CELSR1: variants seen among roughly 807,000 people sequenced by gnomAD.
CELSR1 encodes cadherin EGF LAG seven-pass G-type receptor 1.
CELSR1 carries 110 observed loss-of-function variants against 249.1 expected under a neutral mutation model. The observed-to-expected ratio is 0.44, with a 90% CI of 0.38 to 0.52. The LOEUF (loss-of-function observed/expected upper bound fraction) is 0.52. Among genes scored for constraint, CELSR1 ranks in the 20% least tolerant of loss-of-function variants. The probability of loss-of-function intolerance (pLI) is 0.00; values close to 1 mark genes in which losing one functional copy is unlikely to be tolerated. For missense variants in CELSR1, 4,109 were observed against 4,296.4 expected (o/e 0.96, Z 1.22); for synonymous variants, 2,113 against 1,900.0 (o/e 1.11, Z -2.92).
chr22:46,387,440 GCA>G (rs1452216207), intron 18 of CELSR1, among the ~76,000 whole-genome samples: 4 of 152,188 alleles, frequency 2.6e-5, no homozygotes, highest in Non-Finnish European at 5.9e-5. Flanking sequence ...GAGTGCAGTG[GCA>G]CAGTCTTGGC....
chr22:46,371,280 G>A (rs145699234), intron 25 of CELSR1, among the ~76,000 whole-genome samples: 83 of 141,602 alleles, frequency 5.9e-4, no homozygotes, highest in African/African-American at 2.0e-3. Flanking sequence ...AGACCAGGAC[G>A]GTCCAGCAAG....
In CELSR1 at chr22:46,445,869, C is replaced by T. The variant is rs1368678443; in HGVS notation, c.4184-6458G>A. 1.3e-5 allele frequency among the ~76,000 whole-genome samples: 2 copies of T among 152,214 alleles called. No individual in the cohort carries two copies. Among genetic ancestry groups the T allele is most frequent in the Non-Finnish European group, 2.9e-5 (2 of 68,038 alleles). ...CCTGGCCTTTGCCAGCTCATCCTCC[C>T]ACCCAGCCAGGGAGAGGTGGAGTCC... is the stretch of plus-strand genomic sequence containing the variant. On this transcript the variant is annotated intron_variant, in intron 2 of 34. Coordinates refer to ENST00000674500, the MANE Select transcript of CELSR1 (RefSeq NM_001378328.1). The surrounding 1 kb of genome is among the most constrained non-coding windows in gnomAD (Gnocchi z 4.4).
At chr22:46,432,324 A>G (rs2079605106) in intron 5 of CELSR1, among the ~76,000 whole-genome samples, 1 of 152,204 alleles carries the variant, frequency 6.6e-6, no homozygotes. Flanking sequence ...GCAGCCAGGC[A>G]CAGTGGCTGT....
intron 1 of CELSR1, among the ~76,000 whole-genome samples, chr22:46,511,518 A>T (rs1312799264): frequency 2.0e-5 from 3 of 152,198 alleles, no homozygotes; most frequent in Non-Finnish European, 4.4e-5. Context: ...CTTCTTTGGC[A>T]CGCTGTCGTT....
In CELSR1 at chr22:46,411,738, G is replaced by A. The variant is rs761504530; in HGVS notation, c.4633C>T (p.Leu1545=). ...TTTTCCCCGGACGGCCCATGGGGCA[G>A]GCCCAGGTGGCCAATATTGGGCTGT... The part of the protein sequence containing the change: ...YNKPNIGHLG[L]PHGPSGEKMA... Residue 1545 remains leucine, a synonymous_variant, in exon 6 of 35, where the codon CTG becomes TTG. Coordinates refer to ENST00000674500, the MANE Select transcript of CELSR1 (RefSeq NM_001378328.1). The surrounding 1 kb of genome is among the most constrained non-coding windows in gnomAD (Gnocchi z 4.2). 6.2e-7 allele frequency: 1 copy of A among 1,614,050 alleles called. No homozygotes were observed. The highest frequency in any genetic ancestry group is 8.5e-7 in the Non-Finnish European group (1 of 1,180,052).
intron 1 of CELSR1, among the ~76,000 whole-genome samples, chr22:46,465,688 T>A (rs1387151737): frequency 6.6e-6 from 1 of 152,228 alleles, no homozygotes; most frequent in South Asian, 2.1e-4. Context: ...GGGAGGGACC[T>A]GGAGTCAGGT....
Position 46,381,738 on chromosome 22 carries a change from A to G in CELSR1, c.7088+108T>C. ...GTCTCTGGGCCAGGGTCACGGTGAA[A>G]TGTCACTGTGAAGACCTGTGCTTGA... On this transcript the variant is annotated intron_variant, in intron 21 of 34. Coordinates refer to ENST00000674500, the MANE Select transcript of CELSR1 (RefSeq NM_001378328.1). The surrounding 1 kb of genome is among the most constrained non-coding windows in gnomAD (Gnocchi z 6.0). 1.9e-6 allele frequency: 2 copies of G among 1,041,724 alleles called. No individual in the cohort carries two copies. The highest frequency in any genetic ancestry group is 2.7e-6 in the Non-Finnish European group (2 of 729,978). 64.5% of individuals were successfully genotyped at this position (1,041,724 alleles called of 1,614,324 possible).
rs151076267 is a variant in CELSR1 at position 46,531,185 on chromosome 22, T to TTTTATTTATTTA, written c.3544+2430_3544+2441dup. ...AATGGTCTGAGATTTCTGCGCATCC[T>TTTTATTTATTTA]TTTATTTATTTATTTATTTATTTAT... On this transcript the variant is annotated intron_variant, in intron 1 of 34. Coordinates refer to ENST00000674500, the MANE Select transcript of CELSR1 (RefSeq NM_001378328.1). Among the ~76,000 whole-genome samples, 1,108 of 148,046 alleles carry TTTTATTTATTTA rather than the reference T, an allele frequency of 7.5e-3. 9 individuals are homozygous for TTTTATTTATTTA. Among genetic ancestry groups the TTTTATTTATTTA allele is most frequent in the East Asian group, 0.013 (66 of 5,060 alleles).
At chr22:46,482,195 CAG>C (rs1264757600) in intron 1 of CELSR1, among the ~76,000 whole-genome samples, 2 of 152,244 alleles carry the variant, frequency 1.3e-5, no homozygotes, top group African/African-American at 4.8e-5. Context: ...CCACATGGCA[CAG>C]GGGCACGGCC....
At chr22:46,485,728 G>C (rs1419101695) in intron 1 of CELSR1, among the ~76,000 whole-genome samples, 3 of 152,136 alleles carry the variant, frequency 2.0e-5, no homozygotes, top group Non-Finnish European at 4.4e-5. Flanking sequence ...TTGACGCTCA[G>C]GTTCTGCACA....
rs149920747 is a variant in CELSR1 at position 46,413,789 on chromosome 22, C to T, written c.4612-2030G>A. ...GTGTAACGCGGCCCACTTTGGAAAA[C>T]GCGTGGAAGTGCCCATTATGGGACG... On this transcript the variant is annotated intron_variant, in intron 5 of 34. Coordinates refer to ENST00000674500, the MANE Select transcript of CELSR1 (RefSeq NM_001378328.1). The surrounding 1 kb of genome is among the most constrained non-coding windows in gnomAD (Gnocchi z 4.7). Among the ~76,000 whole-genome samples the T allele has an allele frequency of 3.3e-5, 5 of 152,296 alleles. No homozygotes were observed. The highest frequency in any genetic ancestry group is 1.2e-4 in the African/African-American group (5 of 41,564).
chr22:46,365,684 T>TC lies in CELSR1; in HGVS notation c.8305dup (p.Glu2769GlyfsTer41). 1 of 1,573,410 alleles carries TC rather than the reference T, an allele frequency of 6.4e-7. No homozygotes were observed. The highest frequency in any genetic ancestry group is 8.6e-7 in the Non-Finnish European group (1 of 1,159,420). ...GGACACGCCGAGCTTCTGGATCCCT[T>TC]CATCCCTAGAGAGGCCAGGGAGGGT... On this transcript the variant is annotated frameshift_variant, in exon 31 of 35. Coordinates refer to ENST00000674500, the MANE Select transcript of CELSR1 (RefSeq NM_001378328.1). LOFTEE classifies it high-confidence loss of function.
In CELSR1 at chr22:46,366,436, C is replaced by T. The variant is rs1432012573; in HGVS notation, c.8250G>A (p.Met2750Ile). The T allele has an allele frequency of 1.3e-6, 2 of 1,550,314 alleles. No homozygotes were observed. Among genetic ancestry groups the T allele is most frequent in the East Asian group, 2.4e-5 (1 of 40,918 alleles). ...CNTTFGDGPD[M>I]LRTDLGESTA... ...TGGACTCGCCCAAGTCTGTGCGCAG[C>T]ATGTCAGGCCCGTCACCGAAGGTGG... Residue 2750 changes from methionine (M) to isoleucine (I), a missense_variant, in exon 30 of 35, where the codon ATG becomes ATA. Coordinates refer to ENST00000674500, the MANE Select transcript of CELSR1 (RefSeq NM_001378328.1).
chr22:46,449,892 AG>A (rs2079862692), intron 2 of CELSR1, among the ~76,000 whole-genome samples: 1 of 152,130 alleles, frequency 6.6e-6, no homozygotes, highest in African/African-American at 2.4e-5. Flanking sequence ...ACCAAACCTG[AG>A]AAAGTACCTC....
chr22:46,443,687 G>A (rs2079782753), intron 2 of CELSR1, among the ~76,000 whole-genome samples: 2 of 152,066 alleles, frequency 1.3e-5, no homozygotes, highest in African/African-American at 2.4e-5. Flanking sequence ...ATACACATGC[G>A]TTGACACACC....
intron 5 of CELSR1, among the ~76,000 whole-genome samples, chr22:46,431,758 C>A (rs552930341): frequency 6.2e-4 from 95 of 152,342 alleles, no homozygotes; most frequent in African/African-American, 2.2e-3. Context: ...CAGGACGGCA[C>A]CGTATCAAGA....
Position 46,535,623 on chromosome 22 carries a change from C to G in CELSR1, c.1548G>C (p.Leu516=). 6.2e-7 allele frequency: 1 copy of G among 1,613,434 alleles called. No individual in the cohort carries two copies. Among genetic ancestry groups the G allele is most frequent in the African/African-American group, 1.3e-5 (1 of 75,054 alleles). Residue 516 remains leucine, a synonymous_variant, in exon 1 of 35, where the codon CTG becomes CTC. Transcript: ENST00000674500. ...CGAAATCCAAGGGGTTGATCACATC[C>G]AGGATCCCGCTCAGCGAGTGCAGGT... The part of the protein sequence containing the change: ...QFYLHSLSGI[L]DVINPLDFED...
Position 46,406,924 on chromosome 22 carries a change from C to T in CELSR1, c.5226+2072G>A, listed in dbSNP as rs1386514713. On this transcript the variant is annotated intron_variant, in intron 9 of 34. Transcript: ENST00000674500. The surrounding 1 kb of genome is among the most constrained non-coding windows in gnomAD (Gnocchi z 5.4). ...ACGGAGCAAAGGCAATAAGGCATGG[C>T]TCCGCCACGGCACACAGCTGATGGC... Among the ~76,000 whole-genome samples, 1 of 152,252 alleles carries T rather than the reference C, an allele frequency of 6.6e-6. No individual in the cohort carries two copies. The highest frequency in any genetic ancestry group is 1.5e-5 in the Non-Finnish European group (1 of 68,046).
chr22:46,497,846 C>G (rs753149851), intron 1 of CELSR1, among the ~76,000 whole-genome samples: 3 of 152,068 alleles, frequency 2.0e-5, no homozygotes, highest in Non-Finnish European at 2.9e-5. Flanking sequence ...TGAGCTCACA[C>G]AGAAGAGAGT....
Sources: allele counts gnomAD v4.1 joint callset (sites outside exome capture counted in the v4.1 genomes callset), GRCh38; gene constraint gnomAD v4.1.1; non-coding constraint Gnocchi (gnomAD v3.1); transcripts MANE v1.5; gene names NCBI Gene and HGNC (gene_info 2026-07-23, HGNC 2026-07-21).